Variants in SH3GL2 observed in about 807,000 individuals in gnomAD.
The protein encoded by SH3GL2 is endophilin-A1.
SH3GL2 carries 24 observed loss-of-function variants against 46.0 expected under a neutral mutation model. The ratio of observed to expected loss-of-function variants is 0.52; its 90% CI spans 0.38 to 0.73. The LOEUF is 0.73. Ranked by LOEUF, SH3GL2 falls within the 30% of genes least tolerant of loss-of-function variation. The pLI is 0.00. For synonymous variants in SH3GL2, 196 were observed against 147.1 expected, an observed-to-expected ratio of 1.33 and a Z score of -2.40; for missense variants, 413 against 424.2, an observed-to-expected ratio of 0.97 and a Z score of 0.23.
At position 17,789,458 on chromosome 9, in the gene SH3GL2, A is replaced by G; in HGVS notation, c.532A>G (p.Ile178Val). The G allele has an allele frequency of 6.2e-7, 1 of 1,613,582 alleles. No homozygotes were observed. The highest frequency in any genetic ancestry group is 8.5e-7 in the Non-Finnish European group (1 of 1,179,624). Residue 178 changes from isoleucine to valine, a missense_variant, in exon 6 of 9, where the codon ATT becomes GTT. This residue lies in a region of SH3GL2 where 248 missense variants were observed against 215.0 expected (regional missense o/e 1.15). Coordinates refer to ENST00000380607, the MANE Select transcript of SH3GL2 (RefSeq NM_003026.5). ...FDYKKKRQGK[I>V]PDEELRQALE... Reference sequence around the variant, plus strand: ...TTATAAGAAGAAACGACAAGGCAAGATTCCGGATGAAGAGCTTCGTCAAGC... The same window carrying G: ...TTATAAGAAGAAACGACAAGGCAAGGTTCCGGATGAAGAGCTTCGTCAAGC...
chr9:17,614,295 G>GGAAAAAAAAAAAAAAAAA lies in SH3GL2; in HGVS notation c.45+35008_45+35009insGAAAAAAAAAAAAAAAAA, dbSNP rs762920242. Among the ~76,000 whole-genome samples the GGAAAAAAAAAAAAAAAAA allele has an allele frequency of 2.0e-4, 14 of 70,298 alleles. 2 individuals are homozygous for GGAAAAAAAAAAAAAAAAA. The highest frequency in any genetic ancestry group is 8.1e-4 in the African/African-American group (14 of 17,370). The allele number at this position is 70,298 out of a possible 152,430, so 46.1% of individuals were successfully genotyped here. On this transcript the variant is annotated intron_variant, in intron 1 of 8. Transcript: ENST00000380607. ...GTGACAGGGAACATGCATGGTTTCT[G>GGAAAAAAAAAAAAAAAAA]AAAAAAAAAAAAAAAAAAAAAAAAA...
chr9:17,621,574 G>C (rs1819139577), intron 1 of SH3GL2, among the ~76,000 whole-genome samples: 1 of 152,202 alleles, frequency 6.6e-6, no homozygotes, highest in Non-Finnish European at 1.5e-5. Context: ...GATAAGAGAG[G>C]AGAGATCAAG....
chr9:17,594,102 T>C (rs1444065519), intron 1 of SH3GL2, among the ~76,000 whole-genome samples: 2 of 152,198 alleles, frequency 1.3e-5, no homozygotes, highest in African/African-American at 2.4e-5. Flanking sequence ...GTTCTTCTTC[T>C]TAAAACTCTT....
intron 1 of SH3GL2, among the ~76,000 whole-genome samples, chr9:17,698,248 T>G (rs947757117): frequency 2.0e-5 from 3 of 152,186 alleles, no homozygotes; most frequent in African/African-American, 7.2e-5. Flanking sequence ...TCAGTTACCT[T>G]GTCTAAAACA....
chr9:17,585,914 T>G (rs914528728), intron 1 of SH3GL2, among the ~76,000 whole-genome samples: 4 of 152,170 alleles, frequency 2.6e-5, no homozygotes, highest in African/African-American at 9.7e-5. Context: ...CCCTTCTCAG[T>G]GTTTTTGGTT....
chr9:17,762,478 A>T (rs1823206805), intron 3 of SH3GL2, among the ~76,000 whole-genome samples: 1 of 151,386 alleles, frequency 6.6e-6, no homozygotes, highest in Non-Finnish European at 1.5e-5. Flanking sequence ...CTCCTTTTCT[A>T]TGCCCCCTGC....
chr9:17,706,683 T>C (rs1821480427), intron 1 of SH3GL2, among the ~76,000 whole-genome samples: 1 of 152,086 alleles, frequency 6.6e-6, no homozygotes, highest in South Asian at 2.1e-4. Context: ...GAAGAAAGAT[T>C]TGTATCTTAT....
intron 1 of SH3GL2, among the ~76,000 whole-genome samples, chr9:17,660,574 G>T (rs1820187852): frequency 6.6e-6 from 1 of 152,122 alleles, no homozygotes; most frequent in East Asian, 1.9e-4. Context: ...ATGTAGTGAA[G>T]AGAAAGTTTA....
intron 1 of SH3GL2, among the ~76,000 whole-genome samples, chr9:17,682,918 C>T (rs1209056618): frequency 6.6e-6 from 1 of 152,054 alleles, no homozygotes; most frequent in Non-Finnish European, 1.5e-5. Context: ...CTTCTGTGAA[C>T]ATGCTTCTGC....
intron 7 of SH3GL2, among the ~76,000 whole-genome samples, chr9:17,791,744 A>G (rs1824135571): frequency 6.6e-6 from 1 of 152,182 alleles, no homozygotes; most frequent in African/African-American, 2.4e-5. Flanking sequence ...AGGTGAAGTA[A>G]CTAGCCCAGG....
rs542151962 is a variant in SH3GL2 at position 17,753,198 on chromosome 9, A to G, written c.114+6064A>G. ...GTGCATGTGTCTTTATAATAGAACA[A>G]TTTATATTCCTTTGGGTGTATATCC... On this transcript the variant is annotated intron_variant, in intron 2 of 8. Transcript: ENST00000380607. Among the ~76,000 whole-genome samples, 10 of 152,272 alleles carry G rather than the reference A, an allele frequency of 6.6e-5. No homozygotes were observed. The East Asian group carries it at 1.9e-3, about 29-fold the overall frequency.
intron 1 of SH3GL2, among the ~76,000 whole-genome samples, chr9:17,683,323 G>C (rs1475941111): frequency 6.6e-6 from 1 of 152,046 alleles, no homozygotes; most frequent in East Asian, 1.9e-4. Context: ...TCTTATGGAG[G>C]CAAGCAGCAA....
chr9:17,709,380 G>C (rs1408358869), intron 1 of SH3GL2, among the ~76,000 whole-genome samples: 2 of 151,970 alleles, frequency 1.3e-5, no homozygotes, highest in Non-Finnish European at 2.9e-5. Context: ...CATATTTCTT[G>C]TGTAGCAAGT....
intron 1 of SH3GL2, among the ~76,000 whole-genome samples, chr9:17,709,489 A>G (rs1017936982): frequency 6.6e-5 from 10 of 151,930 alleles, no homozygotes; most frequent in African/African-American, 2.2e-4. Flanking sequence ...TGTCTCTAAC[A>G]TGCAAGTGGG....
chr9:17,725,559 C>T (rs543252957), intron 1 of SH3GL2, among the ~76,000 whole-genome samples: 1 of 152,268 alleles, frequency 6.6e-6, no homozygotes, highest in African/African-American at 2.4e-5. Context: ...GTCCTCAGGG[C>T]ATGCCATTTC....
intron 1 of SH3GL2, among the ~76,000 whole-genome samples, chr9:17,667,062 T>C (rs1820362142): frequency 6.6e-6 from 1 of 152,180 alleles, no homozygotes; most frequent in Non-Finnish European, 1.5e-5. Flanking sequence ...TTGTGAATTG[T>C]CTGTGTCTTT....
intron 1 of SH3GL2, among the ~76,000 whole-genome samples, chr9:17,709,783 G>C (rs7869947): frequency 0.097 from 14,592 of 150,782 alleles, 2,322 homozygotes; most frequent in African/African-American, 0.33. Context: ...TTAATATTTT[G>C]GACAGCCAAA....
At chr9:17,669,424 C>T (rs1175296391) in intron 1 of SH3GL2, among the ~76,000 whole-genome samples, 1 of 152,210 alleles carries the variant, frequency 6.6e-6, no homozygotes, top group Admixed American at 6.5e-5. Context: ...ACCGTACCCA[C>T]TTCCTCTTTC....
chr9:17,760,888 A>G (rs1328236114), intron 2 of SH3GL2, among the ~76,000 whole-genome samples: 1 of 152,216 alleles, frequency 6.6e-6, no homozygotes, highest in East Asian at 1.9e-4. Context: ...TTAGAAATTT[A>G]GAGGATAGAA....
Sources: allele counts gnomAD v4.1 joint callset (sites outside exome capture counted in the v4.1 genomes callset), GRCh38; gene constraint gnomAD v4.1.1; regional missense constraint gnomAD v4.1.1; transcripts MANE v1.5; gene names NCBI Gene and HGNC (gene_info 2026-07-23, HGNC 2026-07-21).